LCP1: variants seen among roughly 807,000 people sequenced by gnomAD.
LCP1 encodes plastin-2.
LCP1 carries 23 observed loss-of-function variants against 72.0 expected under a neutral mutation model. That is an observed-to-expected ratio of 0.32 (90% CI 0.23 to 0.45). LCP1 has a LOEUF of 0.45. Ranked by LOEUF, LCP1 falls within the 20% of genes least tolerant of loss-of-function variation. LCP1 has a pLI of 1.00. For synonymous variants in LCP1, 245 were observed against 275.4 expected, an observed-to-expected ratio of 0.89 and a Z score of 1.09; for missense variants, 571 against 748.3, an observed-to-expected ratio of 0.76 and a Z score of 2.76.
rs772346510 is a variant in LCP1 at position 46,127,042 on chromosome 13, AGAAGAGATGGGCCCCCCCG to A, written c.*530_*548del. On this transcript the variant is annotated 3_prime_UTR_variant, in exon 16 of 16. Transcript: ENST00000323076. ...AAGTGGCCCAGAGACAAGGACGGCCAGAAGAGATGGGCCCCCCCGGAAGGCATGGTTCCAAAAGTGTGAG... is the reference window on the plus strand; with the variant it reads ...AAGTGGCCCAGAGACAAGGACGGCCAGAAGGCATGGTTCCAAAAGTGTGAG... 5 of 231,192 alleles carry A rather than the reference AGAAGAGATGGGCCCCCCCG, an allele frequency of 2.2e-5. No individual in the cohort carries two copies. The highest frequency in any genetic ancestry group is 5.7e-5 in the Admixed American group (1 of 17,698). 14.3% of individuals were successfully genotyped at this position (231,192 alleles called of 1,614,324 possible).
At chr13:46,154,281 C>G (rs890295201) in intron 6 of LCP1, among the ~76,000 whole-genome samples, 1 of 152,050 alleles carries the variant, frequency 6.6e-6, no homozygotes, top group South Asian at 2.1e-4. Context: ...GGTTTCTTAG[C>G]AAAAGAATTA....
chr13:46,163,080 G>GC (rs2138269680), intron 1 of LCP1, among the ~76,000 whole-genome samples: 1 of 151,664 alleles, frequency 6.6e-6, no homozygotes, highest in East Asian at 2.0e-4. Context: ...CTGCCCTGCC[G>GC]CCCCTTCTGA....
intron 13 of LCP1, among the ~76,000 whole-genome samples, chr13:46,139,290 G>T (rs527987921): frequency 1.3e-5 from 2 of 152,340 alleles, no homozygotes; most frequent in East Asian, 1.9e-4. Flanking sequence ...AGAGACCCCA[G>T]TGTGGAAATG....
chr13:46,150,751 C>T (rs1374563113), intron 8 of LCP1, among the ~76,000 whole-genome samples, 185 bp downstream of exon 8: 1 of 152,140 alleles, frequency 6.6e-6, no homozygotes. Context: ...CTGGGCAGGT[C>T]TGTGTATGGC....
intron 6 of LCP1, among the ~76,000 whole-genome samples, chr13:46,154,363 A>G (rs1282057537): frequency 1.3e-5 from 2 of 152,242 alleles, no homozygotes; most frequent in African/African-American, 4.8e-5. Flanking sequence ...GTTAATCAAC[A>G]AATTGATGGA....
rs2045824684 is a variant in LCP1, at chr13:46,159,523, C to G, written c.64+76G>C. 2.5e-6 allele frequency: 3 copies of G among 1,202,682 alleles called. No homozygotes were observed. In the South Asian group the frequency reaches 3.7e-5, roughly 15 times the overall value. The allele number at this position is 1,202,682 out of a possible 1,614,324, so 74.5% of individuals were successfully genotyped here. ...CATCTCTGAAATTTTGCTCATGTTC[C>G]CATTTCATTGAATCTACCCTGAAGC... is the stretch of plus-strand genomic sequence containing the variant. On this transcript the variant is annotated intron_variant, in intron 2 of 15. Coordinates refer to ENST00000323076, the MANE Select transcript of LCP1 (RefSeq NM_002298.5).
At chr13:46,149,700 C>T (rs2045752348) in intron 8 of LCP1, among the ~76,000 whole-genome samples, 1 of 152,230 alleles carries the variant, frequency 6.6e-6, no homozygotes, top group African/African-American at 2.4e-5. Context: ...ATCTGGCCAG[C>T]TCCTATCTCA....
chr13:46,142,147 A>G (rs1423223569), intron 13 of LCP1, 145 bp downstream of exon 13: 23 of 789,332 alleles, frequency 2.9e-5, no homozygotes, highest in Non-Finnish European at 4.1e-5. Flanking sequence ...AAAAAAAAGC[A>G]GAAAGGTAAA....
Position 46,158,421 on chromosome 13 carries a change from G to C in LCP1, c.358+101C>G. On this transcript the variant is annotated intron_variant, in intron 4 of 15. Transcript: ENST00000323076. ...AGGAAAATTGGGAGTCATCCATAAAGCTGTGTTTGCTTCTGTCTTTGTTTA... is the reference window on the plus strand; with the variant it reads ...AGGAAAATTGGGAGTCATCCATAAACCTGTGTTTGCTTCTGTCTTTGTTTA... 3 of 1,349,762 alleles carry C rather than the reference G, an allele frequency of 2.2e-6. No individual in the cohort carries two copies. The African/African-American group carries it at 4.4e-5, about 20-fold the overall frequency. The allele number at this position is 1,349,762 out of a possible 1,614,324, so 83.6% of individuals were successfully genotyped here.
intron 3 of LCP1, 23 bp downstream of exon 3, chr13:46,158,803 C>T (rs773413670): frequency 2.5e-6 from 4 of 1,612,456 alleles, no homozygotes; most frequent in Middle Eastern, 1.7e-4. Flanking sequence ...AATGTGTCTC[C>T]TTGTATTCTG....
intron 1 of LCP1, among the ~76,000 whole-genome samples, chr13:46,166,015 T>A (rs2045874430): frequency 6.6e-6 from 1 of 152,200 alleles, no homozygotes; most frequent in Admixed American, 6.5e-5. Flanking sequence ...GTTCATTTCT[T>A]AAATCAGTGA....
At chr13:46,173,674 T>C (rs910851893) in intron 1 of LCP1, among the ~76,000 whole-genome samples, 5 of 152,214 alleles carry the variant, frequency 3.3e-5, no homozygotes, top group African/African-American at 4.8e-5. Context: ...GTCTGGCTTA[T>C]TTTGGCTTTG....
chr13:46,156,882 C>T lies in LCP1; in HGVS notation c.359-312G>A, dbSNP rs546687604. Among the ~76,000 whole-genome samples, 428 of 149,466 alleles carry T rather than the reference C, an allele frequency of 2.9e-3. 1 individual carries two copies. The highest frequency in any genetic ancestry group is 0.01 in the African/African-American group (408 of 40,546). ...TGTCACCCAGGCTGGAGTGCAGTGGCGCGATCTCGGCTCACTGCAAGCTCT... is the reference window on the plus strand; with the variant it reads ...TGTCACCCAGGCTGGAGTGCAGTGGTGCGATCTCGGCTCACTGCAAGCTCT... On this transcript the variant is annotated intron_variant, in intron 4 of 15. Coordinates refer to ENST00000323076, the MANE Select transcript of LCP1 (RefSeq NM_002298.5).
At chr13:46,131,143 C>T (rs534516763) in intron 14 of LCP1, among the ~76,000 whole-genome samples, 1 of 152,228 alleles carries the variant, frequency 6.6e-6, no homozygotes, top group East Asian at 1.9e-4. Context: ...CACCGTCTAC[C>T]AACAGCAGGT....
intron 15 of LCP1, among the ~76,000 whole-genome samples, chr13:46,129,953 G>A (rs115138295): frequency 0.015 from 2,323 of 152,314 alleles, 55 homozygotes; most frequent in African/African-American, 0.053. Flanking sequence ...GAAGACAGCC[G>A]TGTGAAGTCA....
chr13:46,128,641 C>A (rs909382010), intron 15 of LCP1, among the ~76,000 whole-genome samples: 1 of 151,436 alleles, frequency 6.6e-6, no homozygotes, highest in Non-Finnish European at 1.5e-5. Context: ...TTTTTTTATT[C>A]TTTGTTCCAT....
rs913555571 is a variant in LCP1, at chr13:46,162,053, G to C, written c.-24-2367C>G. 5.9e-5 allele frequency among the ~76,000 whole-genome samples: 9 copies of C among 152,228 alleles called. No individual in the cohort carries two copies. In the East Asian group the frequency reaches 9.7e-4, roughly 16 times the overall value. On this transcript the variant is annotated intron_variant, in intron 1 of 15. Transcript: ENST00000323076. ...TAGGTATGTATATTCTCATTGTATAGATCAGAAAACAGTATCTCAGAGAAG... is the reference window on the plus strand; with the variant it reads ...TAGGTATGTATATTCTCATTGTATACATCAGAAAACAGTATCTCAGAGAAG...
rs58260765 is a variant in LCP1, at chr13:46,158,705, A to G, written c.229-54T>C. 1,447 of 1,611,436 alleles carry G rather than the reference A, an allele frequency of 9.0e-4. 9 individuals are homozygous for G. In the African/African-American group the frequency reaches 0.015, roughly 17 times the overall value. On this transcript the variant is annotated intron_variant, in intron 3 of 15. Coordinates refer to ENST00000323076, the MANE Select transcript of LCP1 (RefSeq NM_002298.5). Reference sequence around the variant, plus strand: ...CTCAAGCAGTGATCAAGAAAATCACAAAGGAAAGAATATGTAATGTCGAAG... The same window carrying G: ...CTCAAGCAGTGATCAAGAAAATCACGAAGGAAAGAATATGTAATGTCGAAG...
intron 1 of LCP1, among the ~76,000 whole-genome samples, chr13:46,164,209 A>C (rs929739685): frequency 3.9e-5 from 6 of 152,242 alleles, no homozygotes; most frequent in African/African-American, 1.4e-4. Context: ...AGCGATAAAT[A>C]TAAGTAGAAG....
Sources: gnomAD v4.1 joint callset for allele counts (sites outside exome capture counted in the v4.1 genomes callset) on GRCh38, gnomAD v4.1.1 for gene constraint, MANE v1.5 for transcripts, NCBI Gene and HGNC (gene_info 2026-07-23, HGNC 2026-07-21) for gene names.